ANKRD55: variants seen among roughly 807,000 people sequenced by gnomAD.
ANKRD55 encodes the protein ankyrin repeat domain 55.
ANKRD55 carries 41 observed loss-of-function variants against 60.6 expected under a neutral mutation model. That is an observed-to-expected ratio of 0.68 (90% CI 0.53 to 0.88). The LOEUF is 0.88. Among genes scored for constraint, ANKRD55 ranks in the 40% least tolerant of loss-of-function variants. The probability of loss-of-function intolerance (pLI) is 0.00; values close to 1 mark genes in which losing one functional copy is unlikely to be tolerated. For synonymous variants in ANKRD55, 264 were observed against 290.3 expected (o/e 0.91, Z 0.92); for missense variants, 732 against 767.6 (o/e 0.95, Z 0.55).
intron 2 of ANKRD55, among the ~76,000 whole-genome samples, chr5:56,212,157 C>T (rs1017935066): frequency 1.3e-5 from 2 of 151,884 alleles, no homozygotes; most frequent in Non-Finnish European, 1.5e-5. Context: ...TCTACTGGAT[C>T]AATTTCAGTT....
chr5:56,122,746 G>A (rs1757108658), intron 8 of ANKRD55, among the ~76,000 whole-genome samples: 1 of 151,678 alleles, frequency 6.6e-6, no homozygotes, highest in Admixed American at 6.6e-5. Flanking sequence ...GGTGTAGGGA[G>A]AGGCAAAGGG....
At chr5:56,150,894 G>A (rs181677942) in intron 6 of ANKRD55, among the ~76,000 whole-genome samples, 386 of 152,314 alleles carry the variant, frequency 2.5e-3, no homozygotes, top group Non-Finnish European at 4.0e-3. Flanking sequence ...GCGAGACTCC[G>A]TCTCAATAAA....
intron 5 of ANKRD55, among the ~76,000 whole-genome samples, chr5:56,167,282 C>A (rs1758505469): frequency 6.6e-6 from 1 of 152,196 alleles, no homozygotes; most frequent in Non-Finnish European, 1.5e-5. Context: ...TGCTTCTAGG[C>A]TACAAATATG....
intron 2 of ANKRD55, chr5:56,193,025 GA>G: frequency 1.0e-6 from 1 of 982,304 alleles, no homozygotes; most frequent in Non-Finnish European, 1.5e-6. Flanking sequence ...ACATCATTTA[GA>G]AGATGCTGAT....
intron 4 of ANKRD55, among the ~76,000 whole-genome samples, chr5:56,175,217 G>A (rs1266314058): frequency 6.6e-6 from 1 of 152,218 alleles, no homozygotes; most frequent in Non-Finnish European, 1.5e-5. Flanking sequence ...TGGCAGAAAG[G>A]GGTGGTGTTT....
chr5:56,157,643 C>A (rs1758226744), intron 6 of ANKRD55, among the ~76,000 whole-genome samples: 1 of 152,162 alleles, frequency 6.6e-6, no homozygotes, highest in Admixed American at 6.6e-5. Flanking sequence ...TATGTATGTG[C>A]ACATCAAAAG....
At chr5:56,106,565 A>AGGT (rs1756485511) in intron 10 of ANKRD55, among the ~76,000 whole-genome samples, 1 of 151,814 alleles carries the variant, frequency 6.6e-6, no homozygotes, top group African/African-American at 2.4e-5. Flanking sequence ...CTGGGACTAC[A>AGGT]GGCGCCCGCC....
chr5:56,127,121 C>T lies in ANKRD55; in HGVS notation c.613-15G>A, dbSNP rs754732132. On this transcript the variant is annotated splice_polypyrimidine_tract_variant and intron_variant, in intron 7 of 11. Transcript: ENST00000341048. ...CTATTTCCACTCTGGAAAAGAGAGTCAAAGAAAGCCCATTATGTACAATCC... is the reference window on the plus strand; with the variant it reads ...CTATTTCCACTCTGGAAAAGAGAGTTAAAGAAAGCCCATTATGTACAATCC... 3.8e-6 allele frequency: 6 copies of T among 1,585,048 alleles called. No homozygotes were observed. Among genetic ancestry groups the T allele is most frequent in the Non-Finnish European group, 5.2e-6 (6 of 1,164,060 alleles).
chr5:56,108,848 C>T (rs1187052350), intron 10 of ANKRD55, among the ~76,000 whole-genome samples: 3 of 152,118 alleles, frequency 2.0e-5, no homozygotes, highest in Admixed American at 2.0e-4. Context: ...ACCAGCCTGG[C>T]CAACATAGTG....
chr5:56,188,049 T>TC, intron 2 of ANKRD55, among the ~76,000 whole-genome samples: 1 of 152,246 alleles, frequency 6.6e-6, no homozygotes, highest in South Asian at 2.1e-4. Flanking sequence ...GACTACTTCC[T>TC]CTCCTCTTCT....
At chr5:56,175,706 C>A (rs1171616937) in intron 4 of ANKRD55, among the ~76,000 whole-genome samples, 4 of 152,102 alleles carry the variant, frequency 2.6e-5, no homozygotes, top group Non-Finnish European at 4.4e-5. Context: ...GTCCCTCCCA[C>A]CACCTTCCCC....
intron 5 of ANKRD55, among the ~76,000 whole-genome samples, chr5:56,170,180 A>G (rs1378093767): frequency 1.3e-5 from 2 of 152,160 alleles, no homozygotes; most frequent in East Asian, 3.9e-4. Context: ...GGGTTTAGAC[A>G]TTAACCTTTC....
At chr5:56,141,130 GTTTT>G (rs33972955) in intron 7 of ANKRD55, among the ~76,000 whole-genome samples, 2 of 111,774 alleles carry the variant, frequency 1.8e-5, no homozygotes, top group Non-Finnish European at 3.5e-5. Context: ...TGCACACACA[GTTTT>G]TTTTTTTTTT....
At chr5:56,145,590 G>A (rs1027559780) in intron 6 of ANKRD55, among the ~76,000 whole-genome samples, 2 of 152,222 alleles carry the variant, frequency 1.3e-5, no homozygotes, top group African/African-American at 4.8e-5. Context: ...GTTTGCTAGA[G>A]CAGTTAGCCA....
At chr5:56,117,391 T>C (rs1756914114) in intron 8 of ANKRD55, among the ~76,000 whole-genome samples, 1 of 152,240 alleles carries the variant, frequency 6.6e-6, no homozygotes, top group Non-Finnish European at 1.5e-5. Flanking sequence ...GCATTGGTCT[T>C]TTATAGGTTA....
intron 6 of ANKRD55, among the ~76,000 whole-genome samples, chr5:56,150,371 T>C (rs1035655249): frequency 2.0e-5 from 3 of 152,010 alleles, no homozygotes; most frequent in East Asian, 3.9e-4. Flanking sequence ...CAACCTTATA[T>C]GTTATTATCA....
chr5:56,147,864 A>C (rs1235153514), intron 6 of ANKRD55, among the ~76,000 whole-genome samples: 2 of 152,202 alleles, frequency 1.3e-5, no homozygotes, highest in Non-Finnish European at 2.9e-5. Flanking sequence ...ATTTTCCTAC[A>C]ACTGCTTCCT....
At chr5:56,220,480 G>T (rs554999119) in intron 2 of ANKRD55, among the ~76,000 whole-genome samples, 1 of 151,756 alleles carries the variant, frequency 6.6e-6, no homozygotes, top group Admixed American at 6.6e-5. Context: ...GAAAGGTGGG[G>T]GTCAAACACA....
intron 10 of ANKRD55, among the ~76,000 whole-genome samples, chr5:56,104,078 T>G (rs1361103305): frequency 6.6e-6 from 1 of 152,180 alleles, no homozygotes; most frequent in East Asian, 1.9e-4. Context: ...ACATGAAAAT[T>G]TATATTAGCG....
Sources: allele counts gnomAD v4.1 joint callset (sites outside exome capture counted in the v4.1 genomes callset), GRCh38; gene constraint gnomAD v4.1.1; transcripts MANE v1.5; gene names NCBI Gene and HGNC (gene_info 2026-07-23, HGNC 2026-07-21).